Variants in GPD2 observed in about 807,000 individuals in gnomAD.
GPD2 encodes glycerol-3-phosphate dehydrogenase, mitochondrial.
Under a neutral mutation model 82.4 loss-of-function variants are expected in GPD2, and 54 were observed. The observed-to-expected ratio is 0.66, with a 90% CI of 0.53 to 0.82. GPD2 has a LOEUF of 0.82. GPD2 is among the 40% of genes least tolerant of loss of function. The probability of loss-of-function intolerance (pLI) is 0.00; values close to 1 mark genes in which losing one functional copy is unlikely to be tolerated. For missense variants in GPD2, 748 were observed against 896.2 expected, an observed-to-expected ratio of 0.83 and a Z score of 2.11; for synonymous variants, 288 against 306.1, an observed-to-expected ratio of 0.94 and a Z score of 0.62.
At chr2:156,456,954 C>T (rs1188724198) in intron 1 of GPD2, among the ~76,000 whole-genome samples, 1 of 152,152 alleles carries the variant, frequency 6.6e-6, no homozygotes, top group Admixed American at 6.6e-5. Context: ...ATCACTGACC[C>T]TCGTTCCCCA....
At chr2:156,457,592 C>A (rs1373660989) in intron 1 of GPD2, among the ~76,000 whole-genome samples, 1 of 152,194 alleles carries the variant, frequency 6.6e-6, no homozygotes, top group Non-Finnish European at 1.5e-5. Context: ...CCAGAAGAGG[C>A]CGCCTGCCTG....
At chr2:156,494,698 C>T (rs559788296) in intron 2 of GPD2, among the ~76,000 whole-genome samples, 3 of 152,280 alleles carry the variant, frequency 2.0e-5, no homozygotes, top group African/African-American at 7.2e-5. Flanking sequence ...TCAAATGGGG[C>T]TCCTGCAGCA....
At chr2:156,478,042 C>A (rs1312367173) in intron 2 of GPD2, among the ~76,000 whole-genome samples, 1 of 152,138 alleles carries the variant, frequency 6.6e-6, no homozygotes, top group Admixed American at 6.5e-5. Flanking sequence ...TAAGCATGTT[C>A]TACTTCAGAG....
Position 156,553,115 on chromosome 2 carries a change from C to G in GPD2, c.971+2369C>G, listed in dbSNP as rs894248469. ...TGTTGGCCAGGCTGGTATCAAACTC[C>G]TGGCCTCAAGTGATCTGCCCGCCTC... On this transcript the variant is annotated intron_variant, in intron 8 of 16. Coordinates refer to ENST00000438166, the MANE Select transcript of GPD2 (RefSeq NM_000408.5). 2.9e-4 allele frequency among the ~76,000 whole-genome samples: 44 copies of G among 152,002 alleles called. 1 individual carries two copies. The highest frequency in any genetic ancestry group is 8.8e-5 in the Non-Finnish European group (6 of 68,000).
rs150145066 is a variant in GPD2, at chr2:156,581,453, C to T, written c.2059-1340C>T. Among the ~76,000 whole-genome samples the T allele has an allele frequency of 3.2e-3, 492 of 152,212 alleles. 7 individuals carry two copies. The highest frequency in any genetic ancestry group is 7.9e-3 in the African/African-American group (329 of 41,560). ...GTTGTGTTAGCTCTGATAAACTTTG[C>T]AGGTCTTCCTGGAATCAGAGACAAA... is the stretch of plus-strand genomic sequence containing the variant. On this transcript the variant is annotated intron_variant, in intron 16 of 16. Coordinates refer to ENST00000438166, the MANE Select transcript of GPD2 (RefSeq NM_000408.5).
chr2:156,576,210 C>T (rs1181066958), intron 13 of GPD2, among the ~76,000 whole-genome samples: 1 of 152,040 alleles, frequency 6.6e-6, no homozygotes, highest in East Asian at 1.9e-4. Context: ...AATCTTAAGC[C>T]GCATTAATAG....
At chr2:156,428,441 A>T in the GPD2 span, among the ~76,000 whole-genome samples, 3 of 152,372 alleles carry the variant, frequency 2.0e-5, no homozygotes, top group East Asian at 5.8e-4. Context: ...GAAGAACACA[A>T]TAAAAATTGG....
At chr2:156,533,654 A>T (rs1270946550) in intron 6 of GPD2, among the ~76,000 whole-genome samples, 1 of 152,238 alleles carries the variant, frequency 6.6e-6, no homozygotes, top group Non-Finnish European at 1.5e-5. Flanking sequence ...GAATGTTGAT[A>T]TGTGATACTT....
chr2:156,403,519 A>C, the GPD2 span, among the ~76,000 whole-genome samples: 16 of 152,278 alleles, frequency 1.1e-4, no homozygotes, highest in South Asian at 2.7e-3. Context: ...GACATTTTTT[A>C]TGCAGACTTT....
intron 2 of GPD2, among the ~76,000 whole-genome samples, chr2:156,486,180 C>A (rs1316542033): frequency 6.6e-6 from 1 of 152,228 alleles, no homozygotes; most frequent in Admixed American, 6.5e-5. Context: ...TGGAAATGTT[C>A]TCTGAAGAGC....
rs754957604 is a variant in GPD2 at position 156,550,709 on chromosome 2, A to G, written c.934A>G (p.Ser312Gly). The G allele has an allele frequency of 6.2e-7, 1 of 1,613,768 alleles. No individual in the cohort carries two copies. The highest frequency in any genetic ancestry group is 8.5e-7 in the Non-Finnish European group (1 of 1,179,696). ...AGACGCAGCAGCTATCTGCCAGCCA[A>G]GTGCTGGTGTCCATATTGTGATGCC... ...DKDAAAICQP[S>G]AGVHIVMPGY... Residue 312 changes from serine to glycine, a missense_variant, in exon 8 of 17, where the codon AGT becomes GGT. Ser to Gly is a moderately conservative substitution (Grantham distance 56). Coordinates refer to ENST00000438166, the MANE Select transcript of GPD2 (RefSeq NM_000408.5).
intron 1 of GPD2, among the ~76,000 whole-genome samples, chr2:156,439,536 AAAAC>A (rs1249777414): frequency 0.011 from 1,242 of 113,094 alleles, 456 homozygotes; most frequent in Non-Finnish European, 0.017. Context: ...AAAAAAAAAA[AAAAC>A]AAAAAAAAAA....
At chr2:156,467,462 A>T (rs531918674) in intron 1 of GPD2, among the ~76,000 whole-genome samples, 8 of 152,130 alleles carry the variant, frequency 5.3e-5, no homozygotes, top group Non-Finnish European at 1.0e-4. Context: ...TTTCTCAGTG[A>T]CTTCGGAAAA....
At chr2:156,445,927 A>C (rs1682354023) in intron 1 of GPD2, among the ~76,000 whole-genome samples, 1 of 152,166 alleles carries the variant, frequency 6.6e-6, no homozygotes, top group Non-Finnish European at 1.5e-5. Context: ...GCACAAGTTT[A>C]ATTTTTGCTT....
intron 1 of GPD2, among the ~76,000 whole-genome samples, chr2:156,470,229 C>T (rs1439526609): frequency 6.6e-6 from 1 of 151,730 alleles, no homozygotes; most frequent in Non-Finnish European, 1.5e-5. Flanking sequence ...GGGTTTTGCT[C>T]TGTCGCCCAG....
chr2:156,427,458 T>C, the GPD2 span, among the ~76,000 whole-genome samples: 1 of 152,204 alleles, frequency 6.6e-6, no homozygotes, highest in African/African-American at 2.4e-5. Context: ...TAGTTAGGAA[T>C]CTCAAAAAGT....
intron 3 of GPD2, among the ~76,000 whole-genome samples, chr2:156,500,382 T>G (rs1684546141): frequency 6.6e-6 from 1 of 152,142 alleles, no homozygotes; most frequent in African/African-American, 2.4e-5. Flanking sequence ...CCCTCTGAAG[T>G]GTGAAATAAT....
chr2:156,533,249 A>C (rs753472444), intron 6 of GPD2, among the ~76,000 whole-genome samples: 1 of 152,194 alleles, frequency 6.6e-6, no homozygotes, highest in Non-Finnish European at 1.5e-5. Flanking sequence ...GGTGGTTTCT[A>C]TATGTGTAAT....
At chr2:156,521,885 T>C (rs1351060235) in intron 6 of GPD2, among the ~76,000 whole-genome samples, 9 of 152,250 alleles carry the variant, frequency 5.9e-5, no homozygotes, top group Admixed American at 4.6e-4. Flanking sequence ...TTTCCTACTG[T>C]CAGCTTTCCT....
Sources: gnomAD v4.1 joint callset for allele counts (sites outside exome capture counted in the v4.1 genomes callset) on GRCh38, gnomAD v4.1.1 for gene constraint, MANE v1.5 for transcripts, NCBI Gene and HGNC (gene_info 2026-07-23, HGNC 2026-07-21) for gene names.